Variants in PISD observed in about 807,000 individuals in gnomAD.
PISD encodes phosphatidylserine decarboxylase.
In PISD, 31 loss-of-function variants were observed where a neutral mutation model predicts 43.5. That is an observed-to-expected ratio of 0.71 (90% CI 0.54 to 0.96). The LOEUF (loss-of-function observed/expected upper bound fraction) is 0.96. Ranked by LOEUF, PISD falls within the 40% of genes least tolerant of loss-of-function variation. PISD has a pLI of 0.00. For missense variants in PISD, 523 were observed against 548.4 expected, an observed-to-expected ratio of 0.95 and a Z score of 0.46; for synonymous variants, 259 against 228.7, an observed-to-expected ratio of 1.13 and a Z score of -1.20.
intron 3 of PISD, among the ~76,000 whole-genome samples, chr22:31,626,911 C>T (rs577625993): frequency 1.3e-5 from 2 of 152,368 alleles, no homozygotes; most frequent in East Asian, 3.9e-4. Context: ...CTGTCACCAT[C>T]CTTAGATGAT....
At chr22:31,621,220 G>A (rs1381896733) in intron 5 of PISD, 78 bp from the exon 6 acceptor site, 5 of 1,610,384 alleles carry the variant, frequency 3.1e-6, no homozygotes, top group Non-Finnish European at 4.2e-6. Flanking sequence ...TCTGCACATG[G>A]ATTCTCAGGG....
chr22:31,623,590 C>A, intron 3 of PISD: 1 of 1,262,240 alleles, frequency 7.9e-7, no homozygotes, highest in Admixed American at 2.5e-5. Flanking sequence ...ACCTCTGCTT[C>A]TGACAGCTCG....
chr22:31,628,246 T>C (rs572385472), intron 3 of PISD: 20 of 953,580 alleles, frequency 2.1e-5, no homozygotes, highest in Middle Eastern at 5.4e-4. Flanking sequence ...TAGAGGTTGC[T>C]GCCTTCTTGC....
chr22:31,626,201 G>T, intron 3 of PISD: 1 of 316,888 alleles, frequency 3.2e-6, no homozygotes, highest in Non-Finnish European at 5.2e-6. Flanking sequence ...GGCCTGGGGA[G>T]GCAGTAGGGG....
At chr22:31,653,951 T>TA (rs1035201137) in intron 1 of PISD, among the ~76,000 whole-genome samples, 4 of 152,228 alleles carry the variant, frequency 2.6e-5, no homozygotes, top group Non-Finnish European at 5.9e-5. Context: ...TCTTCAGTCT[T>TA]ACACAAACAC....
At chr22:31,638,960 CCA>C (rs561280140) in intron 3 of PISD, among the ~76,000 whole-genome samples, 170 of 151,878 alleles carry the variant, frequency 1.1e-3, no homozygotes, top group African/African-American at 3.7e-3. Flanking sequence ...CCACTGCACT[CCA>C]GACTGGATGA....
intron 3 of PISD, among the ~76,000 whole-genome samples, chr22:31,641,048 C>A (rs993277602): frequency 2.0e-5 from 3 of 150,638 alleles, no homozygotes; most frequent in East Asian, 2.0e-4. Context: ...CCACCACTCC[C>A]GGCTAATTTT....
chr22:31,637,802 C>T (rs2073557343), intron 3 of PISD, among the ~76,000 whole-genome samples: 3 of 152,250 alleles, frequency 2.0e-5, no homozygotes, highest in Admixed American at 1.3e-4. Context: ...CCTCACCCGG[C>T]ACTGGCTATC....
rs2073169087 is a variant in PISD at position 31,630,762 on chromosome 22, G to A, written c.322-8877C>T. 2 of 985,482 alleles carry A rather than the reference G, an allele frequency of 2.0e-6. No individual in the cohort carries two copies. Among genetic ancestry groups the A allele is most frequent in the Non-Finnish European group, 2.4e-6 (2 of 830,082 alleles). 61.0% of individuals were successfully genotyped at this position (985,482 alleles called of 1,614,324 possible). ...GGGGCGCCTCCCTGAGAAGTCACCTGGGGCTCCCGGCAGGGCCGGGGCGCC... is the reference window on the plus strand; with the variant it reads ...GGGGCGCCTCCCTGAGAAGTCACCTAGGGCTCCCGGCAGGGCCGGGGCGCC... On this transcript the variant is annotated intron_variant, in intron 3 of 7. Coordinates refer to ENST00000439502, the MANE Select transcript of PISD (RefSeq NM_001326411.2). The surrounding 1 kb of genome is among the most constrained non-coding windows in gnomAD (Gnocchi z 4.4).
At chr22:31,623,643 C>T (rs778975691) in intron 3 of PISD, 46 of 1,579,250 alleles carry the variant, frequency 2.9e-5, no homozygotes, top group African/African-American at 4.0e-5. Context: ...CAGGCCTGCC[C>T]GGAAGGGAGG....
chr22:31,636,266 G>A (rs1175994426), intron 3 of PISD, among the ~76,000 whole-genome samples: 1 of 152,134 alleles, frequency 6.6e-6, no homozygotes, highest in Non-Finnish European at 1.5e-5. Flanking sequence ...TGATGAATTG[G>A]AATACTGTAC....
chr22:31,625,701 C>T (rs2072867923), intron 3 of PISD: 2 of 1,553,984 alleles, frequency 1.3e-6, no homozygotes. Flanking sequence ...GATGTGAACT[C>T]TGACCTTCCG....
intron 3 of PISD, among the ~76,000 whole-genome samples, chr22:31,638,009 G>A (rs1275724182): frequency 6.6e-6 from 1 of 152,254 alleles, no homozygotes; most frequent in East Asian, 1.9e-4. Flanking sequence ...TTTGGCGTGG[G>A]AGCCGCAGGC....
At chr22:31,640,604 G>A (rs1392081588) in intron 3 of PISD, among the ~76,000 whole-genome samples, 3 of 94,366 alleles carry the variant, frequency 3.2e-5, no homozygotes, top group East Asian at 3.9e-4. Flanking sequence ...TTTTTGAGAC[G>A]GAGTCTCGCT....
intron 5 of PISD, 80 bp from the exon 6 acceptor site, chr22:31,621,222 T>C: frequency 6.2e-7 from 1 of 1,610,480 alleles, no homozygotes; most frequent in Non-Finnish European, 8.5e-7. Context: ...TGCACATGGA[T>C]TCTCAGGGAG....
In PISD at chr22:31,619,587, A is replaced by G; in HGVS notation, c.*25T>C. ...TCACTCTGTTTGGAAAAGATCCCTT[A>G]GCAGCCATAATCAGGAAAGAGACTC... is the stretch of plus-strand genomic sequence containing the variant. On this transcript the variant is annotated 3_prime_UTR_variant, in exon 8 of 8. Transcript: ENST00000439502. 6.3e-7 allele frequency: 1 copy of G among 1,582,170 alleles called. No homozygotes were observed. Among genetic ancestry groups the G allele is most frequent in the Non-Finnish European group, 8.7e-7 (1 of 1,151,402 alleles).
chr22:31,622,868 A>G (rs951545393), intron 3 of PISD, among the ~76,000 whole-genome samples: 1 of 152,212 alleles, frequency 6.6e-6, no homozygotes, highest in Non-Finnish European at 1.5e-5. Context: ...CTGCTTCTCT[A>G]AACACAACCA....
At chr22:31,644,235 A>ATTT in intron 3 of PISD, among the ~76,000 whole-genome samples, 1 of 148,286 alleles carries the variant, frequency 6.7e-6, no homozygotes, top group Non-Finnish European at 1.5e-5. Context: ...CAAATTCATA[A>ATTT]TTTTTTCTTT....
intron 3 of PISD, among the ~76,000 whole-genome samples, chr22:31,640,769 C>T (rs536230287): frequency 4.8e-5 from 7 of 147,348 alleles, no homozygotes; most frequent in Non-Finnish European, 8.9e-5. Context: ...TTAGTAGAGA[C>T]AAGGTTTCAC....
Sources: allele counts gnomAD v4.1 joint callset (sites outside exome capture counted in the v4.1 genomes callset), GRCh38; gene constraint gnomAD v4.1.1; non-coding constraint Gnocchi (gnomAD v3.1); transcripts MANE v1.5; gene names NCBI Gene and HGNC (gene_info 2026-07-23, HGNC 2026-07-21).